Variants in ADGRV1 observed in about 807,000 individuals in gnomAD.
ADGRV1 encodes the protein G-protein coupled receptor 98.
A neutral mutation model predicts 596.2 loss-of-function variants in ADGRV1; 359 were observed. The observed-to-expected ratio is 0.60, with a 90% CI of 0.55 to 0.66. The LOEUF is 0.66. ADGRV1 is among the 30% of genes least tolerant of loss of function. The pLI, the probability that ADGRV1 is intolerant of heterozygous loss-of-function variation, is 0.00. For synonymous variants in ADGRV1, 2,681 were observed against 2,679.2 expected (o/e 1.00, Z -0.02); for missense variants, 7,274 against 7,575.6 (o/e 0.96, Z 1.48).
intron 52 of ADGRV1, among the ~76,000 whole-genome samples, chr5:90,749,940 G>A (rs1163138673): frequency 1.3e-5 from 2 of 152,192 alleles, no homozygotes; most frequent in African/African-American, 4.8e-5. Context: ...CATGAGCTAA[G>A]GATGAAACAC....
chr5:91,147,271 T>C (rs926262619), intron 87 of ADGRV1, among the ~76,000 whole-genome samples: 9 of 152,030 alleles, frequency 5.9e-5, no homozygotes, highest in Admixed American at 3.3e-4. Context: ...AAATTTGCCA[T>C]GGTCTCTTGC....
intron 83 of ADGRV1, among the ~76,000 whole-genome samples, chr5:90,885,424 A>G (rs1468540108): frequency 1.3e-5 from 2 of 152,144 alleles, no homozygotes; most frequent in South Asian, 4.1e-4. Context: ...CCATACTTAC[A>G]TCTTCTCCAT....
At chr5:90,981,572 T>G (rs977553135) in intron 84 of ADGRV1, among the ~76,000 whole-genome samples, 4 of 152,138 alleles carry the variant, frequency 2.6e-5, no homozygotes, top group African/African-American at 9.7e-5. Context: ...CCGCTCTGCA[T>G]GTGCATGGGT....
intron 83 of ADGRV1, among the ~76,000 whole-genome samples, chr5:90,881,005 G>C (rs1769710276): frequency 6.6e-6 from 1 of 152,154 alleles, no homozygotes; most frequent in Admixed American, 6.5e-5. Flanking sequence ...ACTCTTTGGG[G>C]AAGCTTAACC....
intron 87 of ADGRV1, among the ~76,000 whole-genome samples, chr5:91,146,234 G>A (rs1303707953): frequency 2.6e-5 from 4 of 152,094 alleles, no homozygotes; most frequent in Admixed American, 2.6e-4. Context: ...AGATACAAGA[G>A]GCACAATTTA....
chr5:90,933,745 G>C (rs530316983), intron 83 of ADGRV1, among the ~76,000 whole-genome samples: 2 of 152,096 alleles, frequency 1.3e-5, no homozygotes, highest in Non-Finnish European at 2.9e-5. Flanking sequence ...TTTTTGTTTA[G>C]GTTCCTTCTG....
At chr5:90,788,884 A>ACT (rs1759770319) in intron 68 of ADGRV1, among the ~76,000 whole-genome samples, 1 of 151,810 alleles carries the variant, frequency 6.6e-6, no homozygotes, top group African/African-American at 2.4e-5. Flanking sequence ...ACACACACAC[A>ACT]CACACACACT....
chr5:90,726,499 A>G (rs1053273508), intron 48 of ADGRV1, among the ~76,000 whole-genome samples: 7 of 152,184 alleles, frequency 4.6e-5, no homozygotes, highest in Admixed American at 3.9e-4. Flanking sequence ...GTGCTCACCA[A>G]TGACAACTGC....
intron 85 of ADGRV1, among the ~76,000 whole-genome samples, chr5:91,001,639 G>A (rs1054334129): frequency 6.6e-6 from 1 of 151,936 alleles, no homozygotes; most frequent in East Asian, 1.9e-4. Flanking sequence ...TGTAGTATTC[G>A]ATGAAAATAT....
chr5:90,706,763 T>C (rs1049451276), intron 38 of ADGRV1, among the ~76,000 whole-genome samples: 10 of 151,726 alleles, frequency 6.6e-5, no homozygotes, highest in Admixed American at 3.9e-4. Flanking sequence ...GACTTTAATA[T>C]CAGGTTTGGA....
At chr5:91,100,122 G>A (rs555281758) in intron 86 of ADGRV1, among the ~76,000 whole-genome samples, 4 of 152,182 alleles carry the variant, frequency 2.6e-5, no homozygotes, top group East Asian at 1.9e-4. Flanking sequence ...ACTTGGCATC[G>A]AAATAAACAA....
chr5:90,564,752 G>A (rs1340528962), intron 1 of ADGRV1, among the ~76,000 whole-genome samples: 55 of 85,472 alleles, frequency 6.4e-4, no homozygotes, highest in African/African-American at 3.6e-3. Context: ...TCAGCCTCCC[G>A]AGTAGCTGGG....
At chr5:91,079,402 A>C (rs902699552) in intron 86 of ADGRV1, among the ~76,000 whole-genome samples, 12 of 152,134 alleles carry the variant, frequency 7.9e-5, no homozygotes, top group African/African-American at 2.9e-4. Flanking sequence ...TAGGTTTTTG[A>C]TCTCAATCCT....
intron 83 of ADGRV1, among the ~76,000 whole-genome samples, chr5:90,949,170 T>C (rs2150898645): frequency 6.6e-6 from 1 of 152,256 alleles, no homozygotes; most frequent in East Asian, 1.9e-4. Flanking sequence ...AGTTCATGAA[T>C]AGGCAAAATT....
intron 89 of ADGRV1, among the ~76,000 whole-genome samples, chr5:91,157,464 A>T (rs890916440): frequency 1.3e-5 from 2 of 152,002 alleles, no homozygotes; most frequent in African/African-American, 2.4e-5. Flanking sequence ...TTTTTTTTAT[A>T]ATTGGAAATT....
chr5:91,002,277 C>A (rs1484360932), intron 85 of ADGRV1, among the ~76,000 whole-genome samples: 1 of 152,118 alleles, frequency 6.6e-6, no homozygotes, highest in Non-Finnish European at 1.5e-5. Context: ...TCAGAGACGT[C>A]AAAGTATTGT....
At chr5:90,757,924 T>TG (rs962608610) in intron 57 of ADGRV1, among the ~76,000 whole-genome samples, 7 of 152,296 alleles carry the variant, frequency 4.6e-5, no homozygotes, top group Middle Eastern at 3.4e-3. Flanking sequence ...TTGTTGCTCA[T>TG]GGGGGGCGGT....
intron 48 of ADGRV1, 27 bp from the exon 49 acceptor site, chr5:90,728,642 G>A: frequency 6.3e-7 from 1 of 1,583,800 alleles, no homozygotes; most frequent in Non-Finnish European, 8.6e-7. Context: ...AGTCATAAAG[G>A]GTTTTGTATT....
chr5:91,046,675 TTAAAC>T (rs1785845587), intron 85 of ADGRV1, among the ~76,000 whole-genome samples: 1 of 152,146 alleles, frequency 6.6e-6, no homozygotes, highest in Non-Finnish European at 1.5e-5. Flanking sequence ...TGGGACTTAA[TTAAAC>T]TAAAGAGCTT....
Sources: allele counts gnomAD v4.1 joint callset (sites outside exome capture counted in the v4.1 genomes callset), GRCh38; gene constraint gnomAD v4.1.1; transcripts MANE v1.5; gene names NCBI Gene and HGNC (gene_info 2026-07-23, HGNC 2026-07-21).